The following PCDHA2 variants were observed in gnomAD, a reference collection of about 807,000 sequenced individuals.
PCDHA2 encodes protocadherin alpha-2.
A neutral mutation model predicts 66.0 loss-of-function variants in PCDHA2; 58 were observed. The observed-to-expected ratio is 0.88, with a 90% CI of 0.71 to 1.09. The LOEUF is 1.09. PCDHA2 is among the 50% of genes least tolerant of loss of function. The probability of loss-of-function intolerance (pLI) is 0.00; values close to 1 mark genes in which losing one functional copy is unlikely to be tolerated. For missense variants in PCDHA2, 1,267 were observed against 1,242.3 expected, an observed-to-expected ratio of 1.02 and a Z score of -0.30; for synonymous variants, 634 against 554.0, an observed-to-expected ratio of 1.14 and a Z score of -2.03.
chr5:141,009,374 G>C (rs567366098), intron 3 of PCDHA2, among the ~76,000 whole-genome samples: 1 of 152,216 alleles, frequency 6.6e-6, no homozygotes, highest in African/African-American at 2.4e-5. Context: ...TGGGAGGATT[G>C]ATTGAGCACA....
intron 1 of PCDHA2, chr5:140,807,048 T>C (rs1554123732): frequency 9.8e-7 from 1 of 1,025,000 alleles, no homozygotes; most frequent in Non-Finnish European, 1.4e-6. Flanking sequence ...AAATTCCTTC[T>C]ATTCTTACTG....
chr5:140,848,207 C>A (rs1279518262), intron 1 of PCDHA2: 2 of 340,884 alleles, frequency 5.9e-6, no homozygotes, highest in Non-Finnish European at 1.1e-5. Context: ...ACAATCATTA[C>A]TTAAGAAAAA....
At chr5:140,896,946 T>A (rs2065814718) in intron 1 of PCDHA2, among the ~76,000 whole-genome samples, 1 of 152,134 alleles carries the variant, frequency 6.6e-6, no homozygotes, top group Non-Finnish European at 1.5e-5. Context: ...GGAATGGCCA[T>A]TCCCTTAAAC....
chr5:140,883,486 A>G (rs2059636103), intron 1 of PCDHA2: 1 of 1,614,016 alleles, frequency 6.2e-7, no homozygotes, highest in Non-Finnish European at 8.5e-7. Context: ...ACTACTACTC[A>G]TTAGTGCTGG....
intron 1 of PCDHA2, chr5:140,862,540 G>A: frequency 4.5e-6 from 2 of 444,274 alleles, no homozygotes; most frequent in South Asian, 3.5e-5. Flanking sequence ...TCGGGTCCGT[G>A]GAAGTGGCCG....
chr5:140,957,630 C>A (rs2095372065), intron 1 of PCDHA2, among the ~76,000 whole-genome samples: 1 of 152,000 alleles, frequency 6.6e-6, no homozygotes, highest in Non-Finnish European at 1.5e-5. Context: ...CACACACTTT[C>A]AGAAATGCAC....
intron 1 of PCDHA2, among the ~76,000 whole-genome samples, chr5:140,902,752 C>A (rs782602670): frequency 2.0e-5 from 3 of 148,884 alleles, no homozygotes; most frequent in African/African-American, 7.3e-5. Flanking sequence ...TCCATTATAT[C>A]ATTCTTATGT....
intron 1 of PCDHA2, among the ~76,000 whole-genome samples, chr5:140,873,027 A>C (rs2054049034): frequency 6.6e-6 from 1 of 152,184 alleles, no homozygotes; most frequent in South Asian, 2.1e-4. Flanking sequence ...TATTCTTACT[A>C]CACGTAGAGT....
At position 141,010,447 on chromosome 5, in the gene PCDHA2, A is replaced by G. The variant is rs1343052000; in HGVS notation, c.*510A>G. On this transcript the variant is annotated 3_prime_UTR_variant, in exon 4 of 4. Coordinates refer to ENST00000526136, the MANE Select transcript of PCDHA2 (RefSeq NM_018905.3). Reference sequence around the variant, plus strand: ...GGCAAGAAAACAAAGACAAATAAACAGCGGAAGTTATCAGTATGGAGGGGA... The same window carrying G: ...GGCAAGAAAACAAAGACAAATAAACGGCGGAAGTTATCAGTATGGAGGGGA... 2 of 935,278 alleles carry G rather than the reference A, an allele frequency of 2.1e-6. No homozygotes were observed. Among genetic ancestry groups the G allele is most frequent in the Non-Finnish European group, 3.1e-6 (2 of 648,428 alleles). The allele number at this position is 935,278 out of a possible 1,614,324, so 57.9% of individuals were successfully genotyped here.
At chr5:140,817,505 A>G (rs1231227297) in intron 1 of PCDHA2, 20 of 152,224 alleles carry the variant, frequency 1.3e-4, no homozygotes, top group African/African-American at 4.6e-4. Context: ...ATGCTTTTAC[A>G]AATTATTTTA....
At chr5:140,987,990 C>T (rs57614084) in intron 3 of PCDHA2, among the ~76,000 whole-genome samples, 1 of 152,190 alleles carries the variant, frequency 6.6e-6, no homozygotes, top group African/African-American at 2.4e-5. Context: ...GACTCCATCT[C>T]TGATCCTTCC....
At position 141,009,849 on chromosome 5, in the gene PCDHA2, C is replaced by T. The variant is rs782348993; in HGVS notation, c.2759C>T (p.Thr920Ile). 54 of 1,613,364 alleles carry T rather than the reference C, an allele frequency of 3.3e-5. No individual in the cohort carries two copies. The South Asian group carries it at 5.8e-4, about 17-fold the overall frequency. ...DFITFGKKEETKKKKKKKKGN... is the reference protein window; with the variant it reads ...DFITFGKKEEIKKKKKKKKGN... ...ATAACCTTCGGCAAAAAGGAGGAGA[C>T]CAAGAAAAAGAAGAAAAAGAAGAAG... Residue 920 changes from threonine to isoleucine, a missense_variant, in exon 4 of 4, where the codon ACC becomes ATC. Transcript: ENST00000526136.
At chr5:140,803,021 G>C in intron 1 of PCDHA2, 1 of 1,614,014 alleles carries the variant, frequency 6.2e-7, no homozygotes, top group Non-Finnish European at 8.5e-7. Flanking sequence ...CGTGGCTTTC[G>C]TATGAGCTGC....
chr5:140,829,552 C>A (rs1302023406), intron 1 of PCDHA2: 5 of 1,612,754 alleles, frequency 3.1e-6, no homozygotes, highest in African/African-American at 1.3e-5. Context: ...CGCAGGAGAA[C>A]GCGCTGGTGT....
chr5:140,817,904 C>A (rs1766231046), intron 1 of PCDHA2, among the ~76,000 whole-genome samples: 1 of 152,194 alleles, frequency 6.6e-6, no homozygotes, highest in African/African-American at 2.4e-5. Context: ...TTTAAGATGA[C>A]ATTCCATGGT....
At position 140,997,829 on chromosome 5, in the gene PCDHA2, C is replaced by G. The variant is rs1294994549; in HGVS notation, c.2537-11798C>G. On this transcript the variant is annotated intron_variant, in intron 3 of 3. Transcript: ENST00000526136. ...GCTGTTGGTATCTATGTTTTCTAAA[C>G]AATACAATATACATTCTTATACATA... 2.0e-5 allele frequency among the ~76,000 whole-genome samples: 3 copies of G among 152,190 alleles called. No homozygotes were observed. The East Asian group carries it at 5.8e-4, about 29-fold the overall frequency.
At chr5:140,870,838 C>T (rs1554164743) in intron 1 of PCDHA2, 4 of 1,613,700 alleles carry the variant, frequency 2.5e-6, no homozygotes, top group Admixed American at 3.3e-5. Context: ...AGTTAACAAG[C>T]TAGTACCGCG....
intron 1 of PCDHA2, chr5:140,809,568 C>T: frequency 1.2e-6 from 2 of 1,605,148 alleles, no homozygotes; most frequent in Non-Finnish European, 1.7e-6. Context: ...GAATCCTTTG[C>T]AAAGGTTAGT....
intron 1 of PCDHA2, chr5:140,808,463 A>G: frequency 6.2e-7 from 1 of 1,614,166 alleles, no homozygotes; most frequent in Non-Finnish European, 8.5e-7. Context: ...GCTGGTGGTG[A>G]CCGCGCGAGA....
Sources: gnomAD v4.1 joint callset for allele counts (sites outside exome capture counted in the v4.1 genomes callset) on GRCh38, gnomAD v4.1.1 for gene constraint, MANE v1.5 for transcripts, NCBI Gene and HGNC (gene_info 2026-07-23, HGNC 2026-07-21) for gene names.